POU2F1: variants seen among roughly 807,000 people sequenced by gnomAD.
POU2F1 encodes the protein POU class 2 homeobox 1.
Under a neutral mutation model 84.9 loss-of-function variants are expected in POU2F1, and 16 were observed. The ratio of observed to expected loss-of-function variants is 0.19; its 90% CI spans 0.13 to 0.29. The LOEUF (loss-of-function observed/expected upper bound fraction) is 0.29. Among genes scored for constraint, POU2F1 ranks in the 10% least tolerant of loss-of-function variants. The pLI is 1.00. For missense variants in POU2F1, 738 were observed against 942.6 expected (o/e 0.78, Z 2.84); for synonymous variants, 368 against 368.3 (o/e 1.00, Z 0.01).
rs969820973 is a variant in POU2F1 at position 167,329,520 on chromosome 1, G to T, written c.62-2950G>T. On this transcript the variant is annotated intron_variant, in intron 1 of 15. Transcript: ENST00000367866. ...TGTGACTAGCTCTTCTGATTCAGAG[G>T]GTATCGTTAGTAAATACAGTTAATT... Among the ~76,000 whole-genome samples, 22 of 152,076 alleles carry T rather than the reference G, an allele frequency of 1.4e-4. 1 individual carries two copies. The highest frequency in any genetic ancestry group is 5.3e-4 in the African/African-American group (22 of 41,480).
intron 1 of POU2F1, among the ~76,000 whole-genome samples, chr1:167,222,918 T>C (rs547505081): frequency 1.3e-5 from 2 of 152,346 alleles, no homozygotes; most frequent in East Asian, 1.9e-4. Flanking sequence ...TTAAATACTT[T>C]AAGGCTTTGT....
At chr1:167,273,516 T>A (rs1277187116) in intron 1 of POU2F1, among the ~76,000 whole-genome samples, 4 of 152,248 alleles carry the variant, frequency 2.6e-5, no homozygotes, top group African/African-American at 9.6e-5. Context: ...CCTCAACTCT[T>A]GCCCTCTGTG....
At chr1:167,288,325 C>A (rs1018996843) in intron 1 of POU2F1, among the ~76,000 whole-genome samples, 4 of 152,142 alleles carry the variant, frequency 2.6e-5, no homozygotes, top group Non-Finnish European at 5.9e-5. Flanking sequence ...GTGGAATTGA[C>A]TTCATATTCA....
rs111461562 is a variant in POU2F1 at position 167,319,249 on chromosome 1, A to G, written c.62-13221A>G. Reference sequence around the variant, plus strand: ...GCTGGTTTTGGCCTGGAGAAACACAAGCATAACCTCTACCCCAACTTATTA... The same window carrying G: ...GCTGGTTTTGGCCTGGAGAAACACAGGCATAACCTCTACCCCAACTTATTA... On this transcript the variant is annotated intron_variant, in intron 1 of 15. Coordinates refer to ENST00000367866, the MANE Select transcript of POU2F1 (RefSeq NM_002697.4). Among the ~76,000 whole-genome samples, 10 of 152,310 alleles carry G rather than the reference A, an allele frequency of 6.6e-5. No individual in the cohort carries two copies. The South Asian group carries it at 1.0e-3, about 16-fold the overall frequency.
intron 7 of POU2F1, among the ~76,000 whole-genome samples, chr1:167,378,064 A>G (rs1192491725): frequency 6.6e-6 from 1 of 152,214 alleles, no homozygotes; most frequent in Admixed American, 6.5e-5. Context: ...TTGGGTATAT[A>G]CCCAATAATG....
At chr1:167,225,733 T>TTCATG in intron 1 of POU2F1, among the ~76,000 whole-genome samples, 1 of 152,264 alleles carries the variant, frequency 6.6e-6, no homozygotes, top group Non-Finnish European at 1.5e-5. Context: ...TTGTGTTTTT[T>TTCATG]AAGTTGGTCA....
intron 10 of POU2F1, among the ~76,000 whole-genome samples, chr1:167,397,371 A>G (rs1297595399): frequency 1.3e-5 from 2 of 152,208 alleles, no homozygotes; most frequent in Admixed American, 1.3e-4. Context: ...CAGAACTTAT[A>G]AACAAACAGA....
At chr1:167,248,319 T>C (rs1650486985) in intron 1 of POU2F1, among the ~76,000 whole-genome samples, 1 of 152,242 alleles carries the variant, frequency 6.6e-6, no homozygotes, top group East Asian at 1.9e-4. Context: ...AAAACAATCA[T>C]CTAAGGCTTT....
chr1:167,268,108 A>G (rs946584982), intron 1 of POU2F1, among the ~76,000 whole-genome samples: 1 of 152,102 alleles, frequency 6.6e-6, no homozygotes, highest in African/African-American at 2.4e-5. Flanking sequence ...TGCTTGTAGA[A>G]TGTTATCTTT....
At chr1:167,355,492 A>G (rs183064604) in intron 2 of POU2F1, among the ~76,000 whole-genome samples, 2 of 152,318 alleles carry the variant, frequency 1.3e-5, no homozygotes, top group East Asian at 3.9e-4. Flanking sequence ...TTCTATGTAA[A>G]TTTTAGAATC....
intron 1 of POU2F1, among the ~76,000 whole-genome samples, chr1:167,297,059 A>C (rs1654331351): frequency 6.6e-6 from 1 of 152,220 alleles, no homozygotes; most frequent in Non-Finnish European, 1.5e-5. Context: ...AAAAACCATA[A>C]TTTAATATTG....
rs888803665 is a variant in POU2F1 at position 167,279,257 on chromosome 1, C to A, written c.62-53213C>A. Among the ~76,000 whole-genome samples the A allele has an allele frequency of 2.6e-5, 4 of 152,276 alleles. No homozygotes were observed. The East Asian group carries it at 7.7e-4, about 29-fold the overall frequency. On this transcript the variant is annotated intron_variant, in intron 1 of 15. Transcript: ENST00000367866. ...ATTAACATGGATAAAGAAATTCAGT[C>A]TTTTGTTTTATAATGTAATGCAACT...
chr1:167,329,374 G>A, intron 1 of POU2F1: 1 of 1,505,676 alleles, frequency 6.6e-7, no homozygotes, highest in African/African-American at 1.4e-5. Context: ...GGTTGACTAT[G>A]CATAAATGCT....
At chr1:167,389,551 C>T (rs182152028) in intron 8 of POU2F1, 37 bp from the exon 9 acceptor site, 13 of 1,610,246 alleles carry the variant, frequency 8.1e-6, no homozygotes, top group South Asian at 4.4e-5. Context: ...TATCTCTTCA[C>T]GTGTTTTTCC....
intron 5 of POU2F1, among the ~76,000 whole-genome samples, chr1:167,373,078 A>G (rs528192613): frequency 3.3e-5 from 5 of 152,158 alleles, no homozygotes; most frequent in African/African-American, 1.2e-4. Context: ...AAATATATCT[A>G]TACTTTATAT....
chr1:167,400,977 A>G (rs1199069185), intron 12 of POU2F1, among the ~76,000 whole-genome samples: 2 of 147,392 alleles, frequency 1.4e-5, no homozygotes, highest in African/African-American at 4.9e-5. Flanking sequence ...TTGTACTAAA[A>G]GAAAGACAGT....
chr1:167,335,822 A>C (rs1009317760), intron 2 of POU2F1, among the ~76,000 whole-genome samples: 5 of 152,238 alleles, frequency 3.3e-5, no homozygotes, highest in African/African-American at 1.2e-4. Flanking sequence ...GAGCCTTTTG[A>C]GGGTCAGTCT....
chr1:167,396,421 G>A lies in POU2F1; in HGVS notation c.1123G>A (p.Asp375Asn), dbSNP rs1422895401. The change falls in exon 10 of 16, where the codon GAT becomes AAT. Residue 375 changes from aspartate to asparagine, a missense_variant. Transcript: ENST00000367866. ...GCCACTTTTAGAGAAGTGGCTAAATGATGCAGGTAAGTGACTGTATAAGAC... is the reference window on the plus strand; with the variant it reads ...GCCACTTTTAGAGAAGTGGCTAAATAATGCAGGTAAGTGACTGTATAAGAC... ...LKPLLEKWLN[D>N]AENLSSDSSL... 8 of 1,613,652 alleles carry A rather than the reference G, an allele frequency of 5.0e-6. No individual in the cohort carries two copies. Among genetic ancestry groups the A allele is most frequent in the African/African-American group, 1.3e-5 (1 of 74,904 alleles).
intron 1 of POU2F1, among the ~76,000 whole-genome samples, chr1:167,285,771 G>A (rs986626044): frequency 2.0e-5 from 3 of 152,008 alleles, no homozygotes; most frequent in African/African-American, 7.3e-5. Context: ...AAGGCGCTGT[G>A]GTAGGTTTTT....
Sources: allele counts gnomAD v4.1 joint callset (sites outside exome capture counted in the v4.1 genomes callset), GRCh38; gene constraint gnomAD v4.1.1; transcripts MANE v1.5; gene names NCBI Gene and HGNC (gene_info 2026-07-23, HGNC 2026-07-21).